Variants in YOD1 observed in about 807,000 individuals in gnomAD.
YOD1 encodes the protein ubiquitin thioesterase OTU1.
A neutral mutation model predicts 23.7 loss-of-function variants in YOD1; 17 were observed. That is an observed-to-expected ratio of 0.72 (90% CI 0.49 to 1.07). YOD1 has a LOEUF of 1.07. YOD1 is among the 50% of genes least tolerant of loss of function. The pLI, the probability that YOD1 is intolerant of heterozygous loss-of-function variation, is 0.00. For synonymous variants in YOD1, 191 were observed against 169.6 expected, an observed-to-expected ratio of 1.13 and a Z score of -0.98; for missense variants, 413 against 447.2, an observed-to-expected ratio of 0.92 and a Z score of 0.69.
chr1:207,050,831 G>C lies in YOD1; in HGVS notation c.200C>G (p.Thr67Ser), dbSNP rs1417541227. 6.2e-7 allele frequency: 1 copy of C among 1,613,094 alleles called. No homozygotes were observed. Among genetic ancestry groups the C allele is most frequent in the Admixed American group, 1.7e-5 (1 of 60,024 alleles). Reference sequence around the variant, plus strand: ...TTGGCCCTGGAGTTCCCGCACCCGGGTCCGGCTGGACAGCCCCTGCAAAAC... The same window carrying C: ...TTGGCCCTGGAGTTCCCGCACCCGGCTCCGGCTGGACAGCCCCTGCAAAAC... The part of the protein sequence containing the change: ...THVLQGLSSR[T>S]RVRELQGQIA... Residue 67 changes from threonine to serine, a missense_variant, in exon 1 of 2, where the codon ACC becomes AGC. Transcript: ENST00000315927.
rs544591795 is a variant in YOD1, at chr1:207,047,367, A to G, written c.*1653T>C. 6.6e-6 allele frequency: 1 copy of G among 152,650 alleles called. No homozygotes were observed. Among genetic ancestry groups the G allele is most frequent in the South Asian group, 2.1e-4 (1 of 4,826 alleles). 9.5% of individuals were successfully genotyped at this position (152,650 alleles called of 1,614,324 possible). ...TTCCTTAAAAGTTCTTTTCTCTTAT[A>G]TTGTTCAAATGTTCCTTAATTTTAT... On this transcript the variant is annotated 3_prime_UTR_variant, in exon 2 of 2. Coordinates refer to ENST00000315927, the MANE Select transcript of YOD1 (RefSeq NM_018566.4).
upstream of YOD1, among the ~76,000 whole-genome samples, chr1:207,052,613 T>A (rs759989848): frequency 5.9e-5 from 9 of 152,040 alleles, no homozygotes; most frequent in Non-Finnish European, 1.0e-4. Flanking sequence ...GGTCGTGCCA[T>A]TGCACTCCAG....
At chr1:207,050,406 G>A (rs2102328186) in intron 1 of YOD1, among the ~76,000 whole-genome samples, 1 of 152,276 alleles carries the variant, frequency 6.6e-6, no homozygotes, top group Non-Finnish European at 1.5e-5. Context: ...GGACGCCGAG[G>A]GAAAACAAAA....
At chr1:207,051,973 C>A (rs1458010013), upstream of YOD1, among the ~76,000 whole-genome samples, 3 of 152,206 alleles carry the variant, frequency 2.0e-5, no homozygotes, top group Non-Finnish European at 4.4e-5. Flanking sequence ...ACTGTTTGAA[C>A]TTTTGGAAGA....
At chr1:207,052,175 G>A (rs760365756), upstream of YOD1, 1 of 1,612,042 alleles carries the variant, frequency 6.2e-7, no homozygotes, top group East Asian at 2.2e-5. Context: ...TTCACTTGGT[G>A]CAAACTCACC....
intron 1 of YOD1, 148 bp from the exon 2 acceptor site, chr1:207,049,871 A>G: frequency 2.8e-6 from 2 of 710,516 alleles, no homozygotes; most frequent in East Asian, 5.5e-5. Flanking sequence ...GTAAGTTACC[A>G]GTAAGAATCT....
At position 207,051,120 on chromosome 1, in the gene YOD1, G is replaced by C; in HGVS notation, c.-90C>G. 4.9e-6 allele frequency: 7 copies of C among 1,422,726 alleles called. No individual in the cohort carries two copies. Among genetic ancestry groups the C allele is most frequent in the Non-Finnish European group, 6.4e-6 (7 of 1,093,552 alleles). 88.1% of individuals were successfully genotyped at this position (1,422,726 alleles called of 1,614,324 possible). A position where few individuals can be genotyped will look rare whatever the true frequency, so the allele number is the denominator to read the frequency against. ...TAGCAAGCGCGAACTCTTTTAAAGTGACAACTGATTTTTCCCCCACCCTCA... is the reference window on the plus strand; with the variant it reads ...TAGCAAGCGCGAACTCTTTTAAAGTCACAACTGATTTTTCCCCCACCCTCA... On this transcript the variant is annotated 5_prime_UTR_variant, in exon 1 of 2. Transcript: ENST00000315927.
At position 207,049,214 on chromosome 1, in the gene YOD1, T is replaced by G; in HGVS notation, c.853A>C (p.Ile285Leu). 1 of 1,614,002 alleles carries G rather than the reference T, an allele frequency of 6.2e-7. No homozygotes were observed. Among genetic ancestry groups the G allele is most frequent in the East Asian group, 2.2e-5 (1 of 44,872 alleles). The change falls in exon 2 of 2, where the codon ATT (isoleucine) becomes CTT (leucine). Residue 285 changes from isoleucine (I) to leucine (L), a missense_variant. Ile to Leu is a conservative substitution (Grantham distance 5). Coordinates refer to ENST00000315927, the MANE Select transcript of YOD1 (RefSeq NM_018566.4). Reference protein sequence around the residue: ...FPDPDTPPLTIFSSNDDIVLV... With the variant: ...FPDPDTPPLTLFSSNDDIVLV... ...ACAATATCATCATTAGAGGAGAAAA[T>G]GGTCAGAGGAGGTGTATCTGGATCA... is the stretch of plus-strand genomic sequence containing the variant.
rs528374878 is a variant in YOD1, at chr1:207,044,793, T to A, written c.*4227A>T. 6.6e-6 allele frequency: 1 copy of A among 152,622 alleles called. No individual in the cohort carries two copies. Among genetic ancestry groups the A allele is most frequent in the African/African-American group, 2.4e-5 (1 of 41,560 alleles). The allele number at this position is 152,622 out of a possible 1,614,324, so 9.5% of individuals were successfully genotyped here. On this transcript the variant is annotated 3_prime_UTR_variant, in exon 2 of 2. Coordinates refer to ENST00000315927, the MANE Select transcript of YOD1 (RefSeq NM_018566.4). Reference sequence around the variant, plus strand: ...TATTTGACAATCTCTTCTTTATCAGTGGTACTTTGTCTTCTTGGCCCTTTT... The same window carrying A: ...TATTTGACAATCTCTTCTTTATCAGAGGTACTTTGTCTTCTTGGCCCTTTT...
upstream of YOD1, chr1:207,052,426 C>T: frequency 2.0e-6 from 1 of 508,648 alleles, no homozygotes; most frequent in Non-Finnish European, 3.5e-6. Context: ...CTTTGGGAGG[C>T]CGAGGCGGGT....
rs1426815664 is a variant in YOD1 at position 207,049,275 on chromosome 1, A to G, written c.792T>C (p.Asp264=). Residue 264 remains aspartate (D), a synonymous_variant, in exon 2 of 2, where the codon GAT becomes GAC. Coordinates refer to ENST00000315927, the MANE Select transcript of YOD1 (RefSeq NM_018566.4). ...GCTGAAGTGGATCATAGTGGATGCC[A>G]TCATAAATAAGCAGAACCCTTTTGG... ...GYTKRVLLIY[D]GIHYDPLQRN... 1.2e-6 allele frequency: 2 copies of G among 1,614,194 alleles called. No individual in the cohort carries two copies. The highest frequency in any genetic ancestry group is 1.7e-5 in the Admixed American group (1 of 60,026).
upstream of YOD1, chr1:207,052,273 G>C: frequency 6.3e-7 from 1 of 1,586,160 alleles, no homozygotes; most frequent in Non-Finnish European, 8.6e-7. Flanking sequence ...TTTTTTGCTG[G>C]TGCAATTTTC....
At chr1:207,051,279 G>A (rs1434281941), upstream of YOD1, among the ~76,000 whole-genome samples, 1 of 152,186 alleles carries the variant, frequency 6.6e-6, no homozygotes, top group Admixed American at 6.5e-5. Context: ...CTGAATGAAG[G>A]TCTGGAGATT....
chr1:207,050,833 C>T lies in YOD1; in HGVS notation c.198G>A (p.Arg66=). The T allele has an allele frequency of 1.2e-6, 2 of 1,613,064 alleles. No homozygotes were observed. Among genetic ancestry groups the T allele is most frequent in the Admixed American group, 1.7e-5 (1 of 60,016 alleles). ...GTHVLQGLSS[R]TRVRELQGQI... The stretch of plus-strand genomic sequence containing the variant: ...GGCCCTGGAGTTCCCGCACCCGGGT[C>T]CGGCTGGACAGCCCCTGCAAAACAT... Residue 66 remains arginine (R), a synonymous_variant, in exon 1 of 2, where the codon CGG becomes CGA. Coordinates refer to ENST00000315927, the MANE Select transcript of YOD1 (RefSeq NM_018566.4).
chr1:207,052,088 G>T, upstream of YOD1: 1 of 1,013,020 alleles, frequency 9.9e-7, no homozygotes. Flanking sequence ...CCGGGATTCA[G>T]ACAGCAAGTC....
Position 207,051,128 on chromosome 1 carries a change from A to AT in YOD1, c.-99dup, listed in dbSNP as rs1245724210. 1.8e-5 allele frequency: 25 copies of AT among 1,419,988 alleles called. No individual in the cohort carries two copies. The highest frequency in any genetic ancestry group is 2.3e-5 in the Non-Finnish European group (25 of 1,092,380). The allele number at this position is 1,419,988 out of a possible 1,614,324, so 88.0% of individuals were successfully genotyped here. On this transcript the variant is annotated 5_prime_UTR_variant, in exon 1 of 2. Transcript: ENST00000315927. ...GCGAACTCTTTTAAAGTGACAACTGATTTTTCCCCCACCCTCAGAACGAAG... is the reference window on the plus strand; with the variant it reads ...GCGAACTCTTTTAAAGTGACAACTGATTTTTTCCCCCACCCTCAGAACGAAG...
chr1:207,044,470 A>C lies in YOD1; in HGVS notation c.*4550T>G, dbSNP rs1282924323. On this transcript the variant is annotated 3_prime_UTR_variant, in exon 2 of 2. Coordinates refer to ENST00000315927, the MANE Select transcript of YOD1 (RefSeq NM_018566.4). ...CCAGTTTATAAAGTAGACTCATGTA[A>C]TCATATTAGAAATTCTGAGCCTAAG... is the stretch of plus-strand genomic sequence containing the variant. 6.6e-6 allele frequency: 1 copy of C among 152,538 alleles called. No homozygotes were observed. Among genetic ancestry groups the C allele is most frequent in the Non-Finnish European group, 1.5e-5 (1 of 67,958 alleles). The allele number at this position is 152,538 out of a possible 1,614,324, so 9.4% of individuals were successfully genotyped here.
chr1:207,050,548 T>C (rs1682714168), intron 1 of YOD1, 140 bp downstream of exon 1: 5 of 1,098,002 alleles, frequency 4.6e-6, no homozygotes, highest in Non-Finnish European at 6.4e-6. Context: ...GCATTCTCTG[T>C]TCTTTGATCT....
At chr1:207,051,743 G>A (rs1682757461), upstream of YOD1, among the ~76,000 whole-genome samples, 1 of 152,198 alleles carries the variant, frequency 6.6e-6, no homozygotes, top group African/African-American at 2.4e-5. Context: ...TGGGAGACAG[G>A]GTGGGGTGTG....
Sources: allele counts gnomAD v4.1 joint callset (sites outside exome capture counted in the v4.1 genomes callset), GRCh38; gene constraint gnomAD v4.1.1; transcripts MANE v1.5; gene names NCBI Gene and HGNC (gene_info 2026-07-23, HGNC 2026-07-21).